Variants in CEP63 observed in about 807,000 individuals in gnomAD.
CEP63 encodes centrosomal protein 63.
CEP63 carries 84 observed loss-of-function variants against 89.1 expected under a neutral mutation model. The observed-to-expected ratio is 0.94, with a 90% CI of 0.79 to 1.13. CEP63 has a LOEUF of 1.13. Among genes scored for constraint, CEP63 ranks in the 50% most tolerant of loss-of-function variants. The probability of loss-of-function intolerance (pLI) is 0.00; values close to 1 mark genes in which losing one functional copy is unlikely to be tolerated. For synonymous variants in CEP63, 267 were observed against 272.5 expected (o/e 0.98, Z 0.20); for missense variants, 838 against 813.3 (o/e 1.03, Z -0.37).
At chr3:134,510,521 A>C in intron 3 of CEP63, 2 of 389,702 alleles carry the variant, frequency 5.1e-6, no homozygotes, top group Admixed American at 4.3e-5. Flanking sequence ...TTTTTCTGGT[A>C]TTTTATTCCC....
At chr3:134,576,225 T>TA (rs1181207334), downstream of CEP63, among the ~76,000 whole-genome samples, 1 of 152,244 alleles carries the variant, frequency 6.6e-6, no homozygotes, top group Admixed American at 6.5e-5. Context: ...ATGCTTCCAC[T>TA]AAAATATTTC....
chr3:134,562,237 A>G lies in CEP63; in HGVS notation c.*702A>G, dbSNP rs1957421075. The G allele has an allele frequency of 1.0e-6, 1 of 984,122 alleles. No individual in the cohort carries two copies. Among genetic ancestry groups the G allele is most frequent in the Non-Finnish European group, 1.2e-6 (1 of 828,452 alleles). The allele number at this position is 984,122 out of a possible 1,614,324, so 61.0% of individuals were successfully genotyped here. ...CTGAGGACAAGTTTAGATGGGAGAC[A>G]AAGATCTGGATGTTGATGTGCCGCA... On this transcript the variant is annotated 3_prime_UTR_variant, in exon 15 of 15. Coordinates refer to ENST00000675561, the MANE Select transcript of CEP63 (RefSeq NM_001353108.3).
At chr3:134,579,968 G>C (rs1257879542), downstream of CEP63, among the ~76,000 whole-genome samples, 1 of 152,156 alleles carries the variant, frequency 6.6e-6, no homozygotes, top group Non-Finnish European at 1.5e-5. Flanking sequence ...GGGAGGCCAA[G>C]GTGGATCACC....
downstream of CEP63, among the ~76,000 whole-genome samples, chr3:134,590,151 G>T (rs1007995441): frequency 6.6e-6 from 1 of 151,990 alleles, no homozygotes; most frequent in African/African-American, 2.4e-5. Flanking sequence ...TATCACCTGG[G>T]CGACAAAATA....
the CEP63 span, among the ~76,000 whole-genome samples, chr3:134,724,936 A>G: frequency 2.0e-5 from 3 of 152,200 alleles, no homozygotes; most frequent in Non-Finnish European, 2.9e-5. Context: ...AGGTTTTAAA[A>G]AAAGCTTTTC....
At chr3:134,654,946 C>T in the CEP63 span, among the ~76,000 whole-genome samples, 81 of 152,322 alleles carry the variant, frequency 5.3e-4, no homozygotes, top group African/African-American at 1.9e-3. Flanking sequence ...TCTTGTCCCA[C>T]ACCCACCAAA....
the CEP63 span, among the ~76,000 whole-genome samples, chr3:134,664,311 A>G: frequency 0.97 from 147,439 of 152,326 alleles, 71,506 homozygotes; most frequent in Non-Finnish European, 1. Context: ...CCTCTGTCCA[A>G]GGTGGAAGGC....
the CEP63 span, among the ~76,000 whole-genome samples, chr3:134,778,205 C>T: frequency 6.6e-6 from 1 of 151,420 alleles, no homozygotes; most frequent in African/African-American, 2.4e-5. Flanking sequence ...TCAAGCAATT[C>T]CCCTGCCTCA....
At chr3:134,698,445 G>A in the CEP63 span, among the ~76,000 whole-genome samples, 8 of 152,332 alleles carry the variant, frequency 5.3e-5, no homozygotes, top group African/African-American at 1.9e-4. Flanking sequence ...GGCTGCCAGT[G>A]AGGGCATGGA....
the CEP63 span, chr3:134,619,400 C>T: frequency 4.4e-6 from 3 of 684,630 alleles, no homozygotes; most frequent in Non-Finnish European, 5.3e-6. Flanking sequence ...ACAGCCCCAG[C>T]ACAAATGGGA....
the CEP63 span, among the ~76,000 whole-genome samples, chr3:134,652,968 C>A: frequency 2.0e-5 from 3 of 152,176 alleles, no homozygotes; most frequent in East Asian, 5.8e-4. Context: ...ATCTCCCAAC[C>A]CTTGCTCTCC....
chr3:134,699,328 G>C, the CEP63 span, among the ~76,000 whole-genome samples: 5 of 152,214 alleles, frequency 3.3e-5, no homozygotes, highest in African/African-American at 1.2e-4. Flanking sequence ...GCTGCAAACT[G>C]TAGGGCACGC....
At chr3:134,512,605 A>C (rs763862686) in intron 3 of CEP63, among the ~76,000 whole-genome samples, 2 of 150,506 alleles carry the variant, frequency 1.3e-5, no homozygotes. Flanking sequence ...TAGGATTCTT[A>C]CTTCTGTGAG....
At chr3:134,704,206 A>G in the CEP63 span, among the ~76,000 whole-genome samples, 2 of 152,068 alleles carry the variant, frequency 1.3e-5, no homozygotes, top group Non-Finnish European at 2.9e-5. Context: ...TCAAATTCCA[A>G]CTCAAATGTT....
At chr3:134,523,417 C>T (rs1232104784) in intron 3 of CEP63, among the ~76,000 whole-genome samples, 2 of 152,062 alleles carry the variant, frequency 1.3e-5, no homozygotes, top group Non-Finnish European at 2.9e-5. Context: ...TGTTGACTTG[C>T]TTTTGTTGCA....
At chr3:134,641,248 T>C in the CEP63 span, 2 of 152,246 alleles carry the variant, frequency 1.3e-5, no homozygotes, top group African/African-American at 4.8e-5. Context: ...GAATGGCCTT[T>C]AGAGATATCC....
At chr3:134,764,593 T>C in the CEP63 span, among the ~76,000 whole-genome samples, 1 of 152,196 alleles carries the variant, frequency 6.6e-6, no homozygotes, top group East Asian at 1.9e-4. Flanking sequence ...GCTTGCTCAC[T>C]GGACCCTGCC....
intron 6 of CEP63, among the ~76,000 whole-genome samples, chr3:134,540,011 C>G (rs866559846): frequency 5.3e-5 from 8 of 152,154 alleles, no homozygotes; most frequent in Middle Eastern, 3.4e-3. Context: ...AACCTATATG[C>G]ACTGTGAATG....
chr3:134,679,635 T>G, the CEP63 span, among the ~76,000 whole-genome samples: 11 of 152,232 alleles, frequency 7.2e-5, no homozygotes, highest in Non-Finnish European at 1.5e-4. Flanking sequence ...ACCTCAGACT[T>G]GACTGTATTT....
Sources: gnomAD v4.1 joint callset for allele counts (sites outside exome capture counted in the v4.1 genomes callset) on GRCh38, gnomAD v4.1.1 for gene constraint, MANE v1.5 for transcripts, NCBI Gene and HGNC (gene_info 2026-07-23, HGNC 2026-07-21) for gene names.